Variants in FTO observed in about 807,000 individuals in gnomAD.
FTO encodes FTO alpha-ketoglutarate dependent dioxygenase, also known as alpha-ketoglutarate-dependent dioxygenase FTO.
FTO carries 47 observed loss-of-function variants against 63.9 expected under a neutral mutation model. The observed-to-expected ratio is 0.74, with a 90% confidence interval of 0.58 to 0.94. The LOEUF (loss-of-function observed/expected upper bound fraction) is 0.94. Among genes scored for constraint, FTO ranks in the 40% least tolerant of loss-of-function variants. The pLI, the probability that FTO is intolerant of heterozygous loss-of-function variation, is 0.00. For missense variants in FTO, 562 were observed against 618.1 expected, an observed-to-expected ratio of 0.91 and a Z score of 0.96; for synonymous variants, 207 against 224.4, an observed-to-expected ratio of 0.92 and a Z score of 0.69.
chr16:53,790,041 T>G (rs2077865451), intron 1 of FTO, among the ~76,000 whole-genome samples: 1 of 149,860 alleles, frequency 6.7e-6, no homozygotes, highest in African/African-American at 2.4e-5. Context: ...ATTTTGTATT[T>G]TGTATATATG....
At chr16:53,907,090 A>G (rs2081558011) in intron 7 of FTO, among the ~76,000 whole-genome samples, 1 of 152,182 alleles carries the variant, frequency 6.6e-6, no homozygotes, top group African/African-American at 2.4e-5. Flanking sequence ...GTGTAAACTC[A>G]TTAATGGGTT....
chr16:53,891,054 G>A lies in FTO; in HGVS notation c.1239+2103G>A, dbSNP rs1181862053. Reference sequence around the variant, plus strand: ...TGCCCAGGCTGGAGTGCGATGGCGCGATCTCAGCTCACTGCAACCTCCGCC... The same window carrying A: ...TGCCCAGGCTGGAGTGCGATGGCGCAATCTCAGCTCACTGCAACCTCCGCC... On this transcript the variant is annotated intron_variant, in intron 7 of 8. Coordinates refer to ENST00000471389, the MANE Select transcript of FTO (RefSeq NM_001080432.3). Among the ~76,000 whole-genome samples the A allele has an allele frequency of 2.0e-5, 3 of 151,228 alleles. No homozygotes were observed. The South Asian group carries it at 6.3e-4, about 32-fold the overall frequency.
At chr16:53,946,352 G>A (rs2143451706) in intron 8 of FTO, among the ~76,000 whole-genome samples, 1 of 152,322 alleles carries the variant, frequency 6.6e-6, no homozygotes, top group Middle Eastern at 3.4e-3. Flanking sequence ...TGAGACAGGA[G>A]TGTTTGATGG....
intron 8 of FTO, among the ~76,000 whole-genome samples, chr16:54,049,896 C>G (rs183042890): frequency 1.3e-5 from 2 of 152,330 alleles, no homozygotes; most frequent in East Asian, 1.9e-4. Flanking sequence ...CTCTCAGCGT[C>G]AAAGCATTAC....
intron 6 of FTO, among the ~76,000 whole-genome samples, chr16:53,884,482 G>A (rs1182351283): frequency 6.6e-6 from 1 of 152,116 alleles, no homozygotes; most frequent in East Asian, 1.9e-4. Flanking sequence ...TTCTTTCTCA[G>A]TGAAGTAACT....
intron 8 of FTO, among the ~76,000 whole-genome samples, chr16:54,109,026 A>G (rs576235936): frequency 2.0e-5 from 3 of 152,360 alleles, no homozygotes; most frequent in Non-Finnish European, 4.4e-5. Flanking sequence ...ATAGTCTGGC[A>G]TGATTCTAAA....
intron 6 of FTO, among the ~76,000 whole-genome samples, chr16:53,883,662 C>T (rs891305404): frequency 2.2e-4 from 31 of 141,670 alleles, no homozygotes; most frequent in African/African-American, 7.8e-4. Context: ...AATTTGTCTG[C>T]TTCAGAAAGT....
intron 8 of FTO, among the ~76,000 whole-genome samples, chr16:54,053,311 C>T (rs2085353864): frequency 6.6e-6 from 1 of 152,194 alleles, no homozygotes; most frequent in South Asian, 2.1e-4. Flanking sequence ...TCCTTCGTAT[C>T]TCCATGCCCG....
chr16:53,719,632 G>GTT (rs751170395), intron 1 of FTO, among the ~76,000 whole-genome samples: 13 of 100,028 alleles, frequency 1.3e-4, no homozygotes, highest in South Asian at 6.4e-4. Context: ...CTGGTAGTCT[G>GTT]TTTTTTTTTT....
At chr16:53,917,868 T>G (rs2081917612) in intron 7 of FTO, among the ~76,000 whole-genome samples, 1 of 152,090 alleles carries the variant, frequency 6.6e-6, no homozygotes, top group South Asian at 2.1e-4. Flanking sequence ...TAGGTAGATA[T>G]TATCTAAGGA....
At chr16:53,783,604 T>TAA (rs753810468) in intron 1 of FTO, among the ~76,000 whole-genome samples, 29 of 68,110 alleles carry the variant, frequency 4.3e-4, no homozygotes, top group East Asian at 2.0e-3. Context: ...CAAGACTCCA[T>TAA]AAAAAAAAAA....
At chr16:54,090,371 C>G (rs1416274696) in intron 8 of FTO, among the ~76,000 whole-genome samples, 5 of 152,070 alleles carry the variant, frequency 3.3e-5, no homozygotes, top group African/African-American at 7.2e-5. Flanking sequence ...TTACCAGGGG[C>G]TGGGAGAAGG....
chr16:53,871,787 C>T (rs987543010), intron 4 of FTO, among the ~76,000 whole-genome samples: 4 of 151,676 alleles, frequency 2.6e-5, no homozygotes, highest in South Asian at 4.2e-4. Context: ...AGTGCAATGG[C>T]GCAATCTCGG....
intron 1 of FTO, among the ~76,000 whole-genome samples, chr16:53,714,767 C>G (rs1412791201): frequency 1.3e-5 from 2 of 152,214 alleles, no homozygotes; most frequent in East Asian, 3.9e-4. Context: ...TCATAAAACA[C>G]GATCCTTGTG....
chr16:53,933,700 A>G (rs371385729), intron 7 of FTO, among the ~76,000 whole-genome samples: 36 of 148,644 alleles, frequency 2.4e-4, no homozygotes, highest in African/African-American at 9.2e-4. Context: ...AATTCCCAGG[A>G]AAAAAAAAAT....
intron 8 of FTO, chr16:54,072,482 G>A (rs1237673957): frequency 6.6e-6 from 1 of 152,222 alleles, no homozygotes; most frequent in East Asian, 1.9e-4. Flanking sequence ...CCTGCTGAAG[G>A]GGTGGCCAAG....
chr16:54,084,899 G>A (rs1188079704), intron 8 of FTO, among the ~76,000 whole-genome samples: 2 of 152,208 alleles, frequency 1.3e-5, no homozygotes, highest in Non-Finnish European at 2.9e-5. Context: ...GATGAAGGAT[G>A]CAATTGACTC....
At chr16:53,752,644 C>T (rs1376034785) in intron 1 of FTO, among the ~76,000 whole-genome samples, 1 of 152,172 alleles carries the variant, frequency 6.6e-6, no homozygotes, top group Non-Finnish European at 1.5e-5. Flanking sequence ...AATAATTTGT[C>T]TTAAGACTCA....
intron 1 of FTO, among the ~76,000 whole-genome samples, chr16:53,762,494 A>G (rs2077094178): frequency 6.6e-6 from 1 of 152,154 alleles, no homozygotes; most frequent in African/African-American, 2.4e-5. Context: ...TATCTAACAG[A>G]CAGAAATAGA....
Sources: allele counts gnomAD v4.1 joint callset (sites outside exome capture counted in the v4.1 genomes callset), GRCh38; gene constraint gnomAD v4.1.1; transcripts MANE v1.5; gene names NCBI Gene and HGNC (gene_info 2026-07-23, HGNC 2026-07-21).